Variants in YAP1 observed in about 807,000 individuals in gnomAD.
The protein encoded by YAP1 is transcriptional coactivator YAP1.
A neutral mutation model predicts 56.9 loss-of-function variants in YAP1; 5 were observed. That is an observed-to-expected ratio of 0.09 (90% CI 0.05 to 0.18). YAP1 has a LOEUF of 0.18. Ranked by LOEUF, YAP1 falls within the 10% of genes least tolerant of loss-of-function variation. The probability of loss-of-function intolerance (pLI) is 1.00; values close to 1 mark genes in which losing one functional copy is unlikely to be tolerated. For synonymous variants in YAP1, 265 were observed against 248.1 expected (o/e 1.07, Z -0.64); for missense variants, 539 against 651.8 (o/e 0.83, Z 1.88).
At chr11:102,213,784 G>A (rs1157549022) in intron 6 of YAP1, among the ~76,000 whole-genome samples, 2 of 152,064 alleles carry the variant, frequency 1.3e-5, no homozygotes, top group Non-Finnish European at 2.9e-5. Context: ...GTGCCCTTAT[G>A]AGAATTCTTG....
chr11:102,134,364 A>C (rs1224549029), intron 2 of YAP1, among the ~76,000 whole-genome samples: 2 of 152,008 alleles, frequency 1.3e-5, no homozygotes, highest in African/African-American at 4.8e-5. Context: ...GTGCAGATAT[A>C]CGATTGAGAG....
At chr11:102,210,381 A>C (rs751947471) in intron 6 of YAP1, among the ~76,000 whole-genome samples, 1 of 152,144 alleles carries the variant, frequency 6.6e-6, no homozygotes, top group Non-Finnish European at 1.5e-5. Context: ...ATTGTTTTAG[A>C]ATCTGCTGTA....
intron 2 of YAP1, among the ~76,000 whole-genome samples, chr11:102,136,069 A>G (rs1019462607): frequency 1.3e-5 from 2 of 152,196 alleles, no homozygotes; most frequent in Non-Finnish European, 2.9e-5. Flanking sequence ...AGGCTGTGTA[A>G]GAGTGGAATT....
At chr11:102,128,750 G>A (rs1000650949) in intron 2 of YAP1, among the ~76,000 whole-genome samples, 1 of 152,192 alleles carries the variant, frequency 6.6e-6, no homozygotes, top group Non-Finnish European at 1.5e-5. Flanking sequence ...TTTGGATTCT[G>A]GTCAGAGAGC....
chr11:102,138,807 A>G (rs527765876), intron 2 of YAP1, among the ~76,000 whole-genome samples: 6 of 152,374 alleles, frequency 3.9e-5, no homozygotes, highest in South Asian at 2.1e-4. Flanking sequence ...GTGGGTATCT[A>G]TATACATAAA....
At chr11:102,208,355 T>G (rs749373631) in intron 5 of YAP1, among the ~76,000 whole-genome samples, 1 of 152,228 alleles carries the variant, frequency 6.6e-6, no homozygotes, top group South Asian at 2.1e-4. Context: ...CTTATGCACC[T>G]TAAATAAATT....
chr11:102,146,708 A>G (rs1945340477), intron 2 of YAP1, among the ~76,000 whole-genome samples: 1 of 152,166 alleles, frequency 6.6e-6, no homozygotes, highest in Non-Finnish European at 1.5e-5. Flanking sequence ...AAATTAGGGT[A>G]CTTCTTACAA....
chr11:102,158,174 C>CA (rs1480453763), intron 2 of YAP1, among the ~76,000 whole-genome samples: 1 of 151,926 alleles, frequency 6.6e-6, no homozygotes, highest in African/African-American at 2.4e-5. Flanking sequence ...AACATATTTT[C>CA]AAAAATGGAT....
At chr11:102,125,979 G>A (rs570540386) in intron 2 of YAP1, among the ~76,000 whole-genome samples, 1 of 152,168 alleles carries the variant, frequency 6.6e-6, no homozygotes, top group African/African-American at 2.4e-5. Context: ...AGCACCAGTG[G>A]TGATGGGAGT....
chr11:102,170,639 G>T (rs187028319), intron 3 of YAP1, among the ~76,000 whole-genome samples: 2 of 152,210 alleles, frequency 1.3e-5, no homozygotes, highest in East Asian at 3.9e-4. Flanking sequence ...AATCATTTGG[G>T]ATAGTAAAGT....
chr11:102,203,872 A>T (rs1005259840), intron 4 of YAP1, among the ~76,000 whole-genome samples: 1 of 152,234 alleles, frequency 6.6e-6, no homozygotes, highest in African/African-American at 2.4e-5. Context: ...CCAAAAAAAG[A>T]TGTAAATGAA....
At chr11:102,223,002 T>C (rs1271210625) in intron 6 of YAP1, among the ~76,000 whole-genome samples, 2 of 151,948 alleles carry the variant, frequency 1.3e-5, no homozygotes, top group Admixed American at 6.6e-5. Flanking sequence ...CCCAGCACTT[T>C]TGGGGGGCCA....
intron 2 of YAP1, among the ~76,000 whole-genome samples, chr11:102,147,629 T>C (rs1197903804): frequency 6.6e-6 from 1 of 152,192 alleles, no homozygotes; most frequent in Non-Finnish European, 1.5e-5. Flanking sequence ...TGTTTCAGCA[T>C]TGAATCTCCA....
intron 2 of YAP1, among the ~76,000 whole-genome samples, chr11:102,130,067 G>A (rs1944285189): frequency 6.6e-6 from 1 of 152,074 alleles, no homozygotes; most frequent in Non-Finnish European, 1.5e-5. Context: ...GTGAGCCACT[G>A]TGCCTGGCCA....
intron 3 of YAP1, among the ~76,000 whole-genome samples, chr11:102,171,383 A>G (rs1486658361): frequency 3.3e-5 from 5 of 152,236 alleles, no homozygotes; most frequent in Non-Finnish European, 7.3e-5. Context: ...GTGAAACAGA[A>G]TAAATCTTGC....
chr11:102,216,482 A>G (rs1212515204), intron 6 of YAP1, among the ~76,000 whole-genome samples: 1 of 152,236 alleles, frequency 6.6e-6, no homozygotes, highest in Non-Finnish European at 1.5e-5. Flanking sequence ...AAAAAATGCC[A>G]ATTATATTTC....
intron 2 of YAP1, among the ~76,000 whole-genome samples, chr11:102,123,847 T>C (rs962705255): frequency 2.0e-5 from 3 of 151,976 alleles, no homozygotes; most frequent in African/African-American, 7.2e-5. Context: ...CACCGTGGTC[T>C]CGATCTCCTG....
At chr11:102,227,395 G>A (rs1365237400) in intron 7 of YAP1, 74 bp from the exon 8 acceptor site, 4 of 969,456 alleles carry the variant, frequency 4.1e-6, no homozygotes, top group Non-Finnish European at 6.5e-6. Flanking sequence ...TTGCTGCTCA[G>A]CAGGTGTTTA....
chr11:102,171,513 T>C (rs1464760327), intron 3 of YAP1, among the ~76,000 whole-genome samples: 1 of 152,220 alleles, frequency 6.6e-6, no homozygotes, highest in Non-Finnish European at 1.5e-5. Flanking sequence ...CAGTCTGAAG[T>C]CTAAGTGTGC....
Sources: allele counts gnomAD v4.1 joint callset (sites outside exome capture counted in the v4.1 genomes callset), GRCh38; gene constraint gnomAD v4.1.1; transcripts MANE v1.5; gene names NCBI Gene and HGNC (gene_info 2026-07-23, HGNC 2026-07-21).